The following LRRTM4 variants were observed in gnomAD, a reference collection of about 807,000 sequenced individuals.
The protein encoded by LRRTM4 is leucine-rich repeat transmembrane neuronal protein 4.
LRRTM4 carries 25 observed loss-of-function variants against 47.6 expected under a neutral mutation model. The ratio of observed to expected loss-of-function variants is 0.53; its 90% CI spans 0.38 to 0.73. LRRTM4 has a LOEUF of 0.73. Ranked by LOEUF, LRRTM4 falls within the 30% of genes least tolerant of loss-of-function variation. LRRTM4 has a pLI of 0.00. For synonymous variants in LRRTM4, 311 were observed against 269.5 expected, an observed-to-expected ratio of 1.15 and a Z score of -1.51; for missense variants, 638 against 713.4, an observed-to-expected ratio of 0.89 and a Z score of 1.20.
At chr2:76,910,703 C>G (rs917797546) in intron 3 of LRRTM4, among the ~76,000 whole-genome samples, 2 of 152,148 alleles carry the variant, frequency 1.3e-5, no homozygotes, top group African/African-American at 2.4e-5. Flanking sequence ...CACAAAGATG[C>G]TAGATGGTCA....
intron 3 of LRRTM4, among the ~76,000 whole-genome samples, chr2:77,132,776 G>A (rs910862506): frequency 2.0e-5 from 3 of 152,110 alleles, no homozygotes; most frequent in African/African-American, 7.2e-5. Context: ...TTAGTAATTT[G>A]GCTCTTAAGT....
At chr2:77,500,921 T>C (rs1396149481) in intron 3 of LRRTM4, among the ~76,000 whole-genome samples, 1 of 151,438 alleles carries the variant, frequency 6.6e-6, no homozygotes, top group Admixed American at 6.6e-5. Context: ...TCCAGAAGCA[T>C]ACAAACAAAA....
chr2:77,196,708 T>C (rs1285768229), intron 3 of LRRTM4, among the ~76,000 whole-genome samples: 2 of 152,156 alleles, frequency 1.3e-5, no homozygotes, highest in African/African-American at 2.4e-5. Context: ...GCCACTGCAA[T>C]CCAGTTTGGA....
intron 3 of LRRTM4, among the ~76,000 whole-genome samples, chr2:76,941,058 G>A (rs1225409831): frequency 3.3e-5 from 5 of 152,044 alleles, no homozygotes; most frequent in African/African-American, 1.2e-4. Flanking sequence ...AATTTGATTT[G>A]TCTTTCAACA....
intron 3 of LRRTM4, among the ~76,000 whole-genome samples, chr2:77,088,737 C>T (rs1680816931): frequency 6.6e-6 from 1 of 152,174 alleles, no homozygotes; most frequent in Non-Finnish European, 1.5e-5. Flanking sequence ...CGTCCTCCTG[C>T]TCTTTGCTCC....
intron 3 of LRRTM4, among the ~76,000 whole-genome samples, chr2:77,311,053 C>T (rs77837049): frequency 0.011 from 1,692 of 150,540 alleles, 32 homozygotes; most frequent in African/African-American, 0.04. Flanking sequence ...TATTTATATA[C>T]ACACACATAT....
At chr2:77,398,653 T>G (rs183713014) in intron 3 of LRRTM4, among the ~76,000 whole-genome samples, 1 of 152,014 alleles carries the variant, frequency 6.6e-6, no homozygotes, top group Admixed American at 6.6e-5. Context: ...CATTTTTAAG[T>G]GAAGTATGCT....
At chr2:77,159,708 T>A (rs1234992079) in intron 3 of LRRTM4, among the ~76,000 whole-genome samples, 1 of 151,620 alleles carries the variant, frequency 6.6e-6, no homozygotes, top group Non-Finnish European at 1.5e-5. Flanking sequence ...GGGGAAGAGG[T>A]AGAAAAGGTG....
At chr2:77,249,987 C>G (rs1276211036) in intron 3 of LRRTM4, among the ~76,000 whole-genome samples, 6 of 151,970 alleles carry the variant, frequency 3.9e-5, no homozygotes. Context: ...TAATTCAGTG[C>G]TGAAAAGAAG....
chr2:77,500,570 C>G (rs1041898940), intron 3 of LRRTM4, among the ~76,000 whole-genome samples: 17 of 151,428 alleles, frequency 1.1e-4, no homozygotes, highest in African/African-American at 3.9e-4. Context: ...TAAATTTTCT[C>G]CTGTTTGCAT....
intron 3 of LRRTM4, among the ~76,000 whole-genome samples, chr2:77,299,547 A>C (rs777573860): frequency 1.2e-4 from 19 of 152,114 alleles, no homozygotes; most frequent in Non-Finnish European, 2.6e-4. Flanking sequence ...AAAACTCATC[A>C]TCAATTCTAA....
intron 3 of LRRTM4, chr2:77,516,584 T>C: frequency 3.1e-6 from 3 of 978,636 alleles, no homozygotes; most frequent in African/African-American, 1.7e-5. Context: ...CAGAATAAAA[T>C]AGGATGAACT....
chr2:77,148,969 T>G (rs1672344699), intron 3 of LRRTM4, among the ~76,000 whole-genome samples: 1 of 152,166 alleles, frequency 6.6e-6, no homozygotes, highest in African/African-American at 2.4e-5. Flanking sequence ...AAAATAACCC[T>G]TAGTTATGTA....
intron 3 of LRRTM4, among the ~76,000 whole-genome samples, chr2:76,806,833 A>C (rs949292249): frequency 1.3e-5 from 2 of 152,128 alleles, no homozygotes; most frequent in Non-Finnish European, 2.9e-5. Context: ...TTTAATATAT[A>C]TTGGTACTTA....
chr2:76,937,808 C>T lies in LRRTM4; in HGVS notation c.1552-188892G>A, dbSNP rs184585302. Among the ~76,000 whole-genome samples, 214 of 152,158 alleles carry T rather than the reference C, an allele frequency of 1.4e-3. 5 individuals are homozygous for T. In the East Asian group the frequency reaches 0.021, roughly 15 times the overall value. On this transcript the variant is annotated intron_variant, in intron 3 of 3. Coordinates refer to ENST00000409884, the MANE Select transcript of LRRTM4 (RefSeq NM_001134745.3). ...GTCTCGATCTCGTGATCTCGTGATC[C>T]GCCCACCTCAGGCTCCCAAAGTGCT...
At chr2:76,909,950 G>C (rs1463565664) in intron 3 of LRRTM4, among the ~76,000 whole-genome samples, 12 of 152,138 alleles carry the variant, frequency 7.9e-5, no homozygotes, top group Non-Finnish European at 1.8e-4. Flanking sequence ...ATTCCTCAGG[G>C]ATCTAGAACT....
At chr2:77,116,108 G>A (rs1012023844) in intron 3 of LRRTM4, among the ~76,000 whole-genome samples, 1 of 152,098 alleles carries the variant, frequency 6.6e-6, no homozygotes, top group African/African-American at 2.4e-5. Context: ...CTCAATTTAA[G>A]AGTCTTGCCT....
At chr2:76,828,937 A>C (rs1233698875) in intron 3 of LRRTM4, among the ~76,000 whole-genome samples, 1 of 151,948 alleles carries the variant, frequency 6.6e-6, no homozygotes, top group African/African-American at 2.4e-5. Context: ...ATCCTTCTGT[A>C]ATTTCATACC....
chr2:77,164,358 A>G (rs1672819550), intron 3 of LRRTM4, among the ~76,000 whole-genome samples: 1 of 152,182 alleles, frequency 6.6e-6, no homozygotes, highest in Non-Finnish European at 1.5e-5. Flanking sequence ...TACAATAATA[A>G]TGAGAGACTT....
Sources: gnomAD v4.1 joint callset for allele counts (sites outside exome capture counted in the v4.1 genomes callset) on GRCh38, gnomAD v4.1.1 for gene constraint, MANE v1.5 for transcripts, NCBI Gene and HGNC (gene_info 2026-07-23, HGNC 2026-07-21) for gene names.